TULP4: variants seen among roughly 807,000 people sequenced by gnomAD.
TULP4 encodes tubby-related protein 4.
TULP4 carries 16 observed loss-of-function variants against 129.0 expected under a neutral mutation model. That is an observed-to-expected ratio of 0.12 (90% confidence interval 0.08 to 0.19). The LOEUF (loss-of-function observed/expected upper bound fraction) is 0.19. Among genes scored for constraint, TULP4 ranks in the 10% least tolerant of loss-of-function variants. The pLI is 1.00. For missense variants in TULP4, 1,842 were observed against 2,059.1 expected (o/e 0.89, Z 2.04); for synonymous variants, 998 against 854.0 (o/e 1.17, Z -2.94).
intron 1 of TULP4, among the ~76,000 whole-genome samples, chr6:158,392,163 G>C (rs954787471): frequency 2.6e-5 from 4 of 152,170 alleles, no homozygotes; most frequent in African/African-American, 9.6e-5. Flanking sequence ...GTCTTACATG[G>C]ATGGCAGCAA....
intron 3 of TULP4, among the ~76,000 whole-genome samples, chr6:158,443,867 A>G (rs1366717676): frequency 6.6e-6 from 1 of 152,136 alleles, no homozygotes. Context: ...CAAAATATTC[A>G]AGTCTGGCCT....
chr6:158,420,777 C>G (rs1383654746), intron 2 of TULP4, among the ~76,000 whole-genome samples: 1 of 150,414 alleles, frequency 6.6e-6, no homozygotes, highest in African/African-American at 2.4e-5. Context: ...AGCCACCTCG[C>G]CCGGCCTATT....
intron 13 of TULP4, 30 bp downstream of exon 13, chr6:158,504,208 G>A: frequency 3.4e-6 from 5 of 1,490,632 alleles, no homozygotes; most frequent in Non-Finnish European, 4.5e-6. Context: ...GGCGCTGCGA[G>A]CCCAGGAGGC....
chr6:158,371,289 A>G (rs1777063304), intron 1 of TULP4, among the ~76,000 whole-genome samples: 1 of 152,190 alleles, frequency 6.6e-6, no homozygotes, highest in South Asian at 2.1e-4. Context: ...AACTGGGAGC[A>G]TGGAGTGAGA....
intron 6 of TULP4, among the ~76,000 whole-genome samples, chr6:158,471,013 A>C (rs1217505151): frequency 6.6e-6 from 1 of 152,220 alleles, no homozygotes; most frequent in Admixed American, 6.5e-5. Context: ...TGGGGAAAAA[A>C]GAAGAAATAA....
rs1041945454 is a variant in TULP4, at chr6:158,508,205, T to C, written c.*1511T>C. ...TTGTTTTTCTCAGTCTTACCTGTGATGTTGTTTAGGATCAGGCCCCTCTCC... is the reference window on the plus strand; with the variant it reads ...TTGTTTTTCTCAGTCTTACCTGTGACGTTGTTTAGGATCAGGCCCCTCTCC... On this transcript the variant is annotated 3_prime_UTR_variant, in exon 14 of 14. Transcript: ENST00000367097. 1 of 152,212 alleles carries C rather than the reference T, an allele frequency of 6.6e-6. No homozygotes were observed. Among genetic ancestry groups the C allele is most frequent in the Non-Finnish European group, 1.5e-5 (1 of 68,050 alleles). The allele number at this position is 152,212 out of a possible 1,614,324, so 9.4% of individuals were successfully genotyped here.
intron 1 of TULP4, among the ~76,000 whole-genome samples, chr6:158,240,803 C>T (rs531752214): frequency 2.0e-5 from 3 of 148,888 alleles, no homozygotes; most frequent in East Asian, 4.2e-4. Context: ...GGGCTGAACC[C>T]CCCACCTCCC....
At chr6:158,434,539 G>A (rs1477142260) in intron 3 of TULP4, among the ~76,000 whole-genome samples, 6 of 152,194 alleles carry the variant, frequency 3.9e-5, no homozygotes, top group South Asian at 2.1e-4. Flanking sequence ...CTGCCAGAGC[G>A]AATGTTTCAT....
At chr6:158,451,848 T>C (rs1415441843) in intron 4 of TULP4, among the ~76,000 whole-genome samples, 1 of 152,240 alleles carries the variant, frequency 6.6e-6, no homozygotes, top group Non-Finnish European at 1.5e-5. Context: ...CACATTAACA[T>C]CAAGTTAGTA....
chr6:158,449,328 G>GGT (rs1193930982), intron 4 of TULP4, 152 bp downstream of exon 4: 5 of 728,686 alleles, frequency 6.9e-6, no homozygotes, highest in African/African-American at 1.8e-5. Flanking sequence ...TGAAATGCAA[G>GGT]GTAGGGCTGG....
chr6:158,427,471 C>CTGTTTTTT (rs1778524392), intron 2 of TULP4, among the ~76,000 whole-genome samples: 1 of 74,126 alleles, frequency 1.3e-5, no homozygotes, highest in African/African-American at 6.2e-5. Context: ...ATTATCAGAC[C>CTGTTTTTT]TTTTTTTTTT....
chr6:158,474,929 A>G (rs1174474406), intron 6 of TULP4, among the ~76,000 whole-genome samples: 3 of 152,240 alleles, frequency 2.0e-5, no homozygotes, highest in Admixed American at 1.3e-4. Flanking sequence ...CTGCCACGCC[A>G]GGATGTAAGC....
At chr6:158,478,230 A>G (rs1308961967) in intron 6 of TULP4, among the ~76,000 whole-genome samples, 1 of 152,150 alleles carries the variant, frequency 6.6e-6, no homozygotes, top group Non-Finnish European at 1.5e-5. Flanking sequence ...CTGCTTGTGT[A>G]CCCCTGAACA....
Position 158,412,938 on chromosome 6 carries a change from C to T in TULP4, c.253-127C>T, listed in dbSNP as rs1778129401. ...TGTCTGTTCCCTGCCCTGATCCCTG[C>T]ATTCGCCCCCAGTCTTCTCCCTTTA... is the stretch of plus-strand genomic sequence containing the variant. On this transcript the variant is annotated intron_variant, in intron 1 of 13. Coordinates refer to ENST00000367097, the MANE Select transcript of TULP4 (RefSeq NM_020245.5). 5 of 1,326,894 alleles carry T rather than the reference C, an allele frequency of 3.8e-6. No homozygotes were observed. The East Asian group carries it at 1.3e-4, about 34-fold the overall frequency. The allele number at this position is 1,326,894 out of a possible 1,614,324, so 82.2% of individuals were successfully genotyped here. A position where few individuals can be genotyped will look rare whatever the true frequency, so the allele number is the denominator to read the frequency against.
intron 1 of TULP4, chr6:158,242,113 A>G: frequency 3.5e-6 from 3 of 852,604 alleles, no homozygotes; most frequent in Admixed American, 3.4e-5. Flanking sequence ...TTGACCCTGA[A>G]GCTGCAGAAT....
chr6:158,311,479 C>G (rs3828713), upstream of TULP4, among the ~76,000 whole-genome samples: 139,882 of 152,260 alleles, frequency 0.92, 64,436 homozygotes, highest in Admixed American at 0.95. Context: ...TTGCTAGAGA[C>G]AGATTCTCTA....
At chr6:158,270,290 TC>T (rs757249291) in intron 1 of TULP4, among the ~76,000 whole-genome samples, 20 of 152,366 alleles carry the variant, frequency 1.3e-4, no homozygotes, top group South Asian at 8.3e-4. Flanking sequence ...TCTTGCATCA[TC>T]ATCTGAAGAC....
At chr6:158,505,492 C>G (rs901935792) in intron 13 of TULP4, among the ~76,000 whole-genome samples, 1 of 152,236 alleles carries the variant, frequency 6.6e-6, no homozygotes, top group African/African-American at 2.4e-5. Context: ...ACCGTGTGAC[C>G]CACAAAGCTT....
intron 1 of TULP4, among the ~76,000 whole-genome samples, chr6:158,266,005 T>C (rs1640592900): frequency 6.6e-6 from 1 of 152,202 alleles, no homozygotes; most frequent in Non-Finnish European, 1.5e-5. Flanking sequence ...TTTTGTGTGT[T>C]TAAACATGAA....
Sources: allele counts gnomAD v4.1 joint callset (sites outside exome capture counted in the v4.1 genomes callset), GRCh38; gene constraint gnomAD v4.1.1; transcripts MANE v1.5; gene names NCBI Gene and HGNC (gene_info 2026-07-23, HGNC 2026-07-21).